FER: variants seen among roughly 807,000 people sequenced by gnomAD.
FER encodes the protein FER tyrosine kinase.
A neutral mutation model predicts 111.0 loss-of-function variants in FER; 63 were observed. That is an observed-to-expected ratio of 0.57 (90% CI 0.46 to 0.70). FER has a LOEUF of 0.70. Among genes scored for constraint, FER ranks in the 30% least tolerant of loss-of-function variants. The pLI, the probability that FER is intolerant of heterozygous loss-of-function variation, is 0.00. For missense variants in FER, 914 were observed against 954.0 expected (o/e 0.96, Z 0.55); for synonymous variants, 327 against 313.9 (o/e 1.04, Z -0.44).
chr5:109,038,303 T>G (rs1216108667), intron 14 of FER, among the ~76,000 whole-genome samples: 2 of 151,906 alleles, frequency 1.3e-5, no homozygotes, highest in African/African-American at 2.4e-5. Flanking sequence ...AAAAATAGTT[T>G]AAAATCTATA....
chr5:108,980,660 A>G (rs1761924700), intron 13 of FER, among the ~76,000 whole-genome samples: 1 of 152,160 alleles, frequency 6.6e-6, no homozygotes, highest in Non-Finnish European at 1.5e-5. Flanking sequence ...TTTAGAAGTC[A>G]TAATGAAGAA....
At chr5:108,947,059 G>T (rs1181771747) in intron 11 of FER, among the ~76,000 whole-genome samples, 1 of 151,914 alleles carries the variant, frequency 6.6e-6, no homozygotes, top group Non-Finnish European at 1.5e-5. Context: ...ATACTCCATT[G>T]TATATATTTA....
chr5:109,157,765 C>T (rs75037812), intron 17 of FER, among the ~76,000 whole-genome samples: 1,780 of 152,184 alleles, frequency 0.012, 41 homozygotes, highest in African/African-American at 0.04. Context: ...CATTTGAATA[C>T]TGGGGACTTG....
chr5:109,091,062 G>A (rs1300639879), intron 16 of FER, among the ~76,000 whole-genome samples: 1 of 152,194 alleles, frequency 6.6e-6, no homozygotes, highest in East Asian at 1.9e-4. Context: ...TGTTGTAAAA[G>A]AATGGGAGAA....
chr5:109,083,205 C>G (rs897942401), intron 16 of FER, among the ~76,000 whole-genome samples: 3 of 151,980 alleles, frequency 2.0e-5, no homozygotes, highest in Non-Finnish European at 4.4e-5. Flanking sequence ...TTATTGAAAG[C>G]GGCTTTGATA....
intron 10 of FER, among the ~76,000 whole-genome samples, chr5:108,909,847 TG>T (rs1250409479): frequency 6.6e-6 from 1 of 151,004 alleles, no homozygotes; most frequent in African/African-American, 2.4e-5. Flanking sequence ...AAACTTTTTA[TG>T]TTGGATAAAT....
intron 17 of FER, among the ~76,000 whole-genome samples, chr5:109,107,509 G>C (rs1259279167): frequency 6.6e-6 from 1 of 151,920 alleles, no homozygotes; most frequent in Non-Finnish European, 1.5e-5. Flanking sequence ...GTAGACCCCA[G>C]TGTCTGTTGT....
intron 13 of FER, among the ~76,000 whole-genome samples, chr5:108,961,197 T>C (rs1759103639): frequency 6.6e-6 from 1 of 152,184 alleles, no homozygotes; most frequent in South Asian, 2.1e-4. Context: ...TTTATCCAGA[T>C]TAGGTTAACA....
chr5:108,929,480 A>G (rs950042285), intron 10 of FER, among the ~76,000 whole-genome samples: 6 of 152,106 alleles, frequency 3.9e-5, no homozygotes, highest in African/African-American at 1.4e-4. Context: ...ATCCTTGGTT[A>G]TATGGTTTAT....
intron 16 of FER, chr5:109,051,524 A>G: frequency 6.3e-7 from 1 of 1,597,592 alleles, no homozygotes; most frequent in African/African-American, 1.5e-5. Context: ...TCTGCACTGT[A>G]ATTAGCCCAG....
intron 1 of FER, among the ~76,000 whole-genome samples, chr5:108,753,608 A>C (rs1440136318): frequency 6.6e-6 from 1 of 152,188 alleles, no homozygotes; most frequent in South Asian, 2.1e-4. Flanking sequence ...ACATTTTCTC[A>C]ATCTGTTTAA....
intron 5 of FER, among the ~76,000 whole-genome samples, chr5:108,850,427 G>C (rs1342158567): frequency 1.3e-5 from 2 of 151,942 alleles, no homozygotes; most frequent in Non-Finnish European, 2.9e-5. Context: ...TAATCCTTTT[G>C]TAGTACTTGA....
chr5:109,109,762 G>A (rs923611892), intron 17 of FER, among the ~76,000 whole-genome samples: 1 of 152,076 alleles, frequency 6.6e-6, no homozygotes, highest in Non-Finnish European at 1.5e-5. Context: ...GCCACATAAA[G>A]CAAGAGCAAA....
chr5:109,011,018 A>C (rs1219945177), intron 13 of FER, among the ~76,000 whole-genome samples: 1 of 152,226 alleles, frequency 6.6e-6, no homozygotes, highest in African/African-American at 2.4e-5. Context: ...AGATGTACAC[A>C]GTATTAAGCT....
chr5:108,926,235 A>G (rs946997359), intron 10 of FER, among the ~76,000 whole-genome samples: 12 of 150,636 alleles, frequency 8.0e-5, no homozygotes, highest in African/African-American at 2.9e-4. Context: ...ATATTTTTCT[A>G]TGTATTTTTT....
chr5:109,158,640 T>C (rs765473472), intron 17 of FER, among the ~76,000 whole-genome samples: 6 of 152,144 alleles, frequency 3.9e-5, no homozygotes, highest in Admixed American at 3.9e-4. Flanking sequence ...TGGCTCAACA[T>C]TGCCTTCGGA....
At chr5:108,971,195 A>G (rs898678261) in intron 13 of FER, among the ~76,000 whole-genome samples, 5 of 148,378 alleles carry the variant, frequency 3.4e-5, no homozygotes, top group Non-Finnish European at 7.5e-5. Context: ...TAGAAACACA[A>G]TGGCCAGGCT....
chr5:109,176,017 G>A (rs765296588), intron 17 of FER, among the ~76,000 whole-genome samples: 6 of 152,076 alleles, frequency 3.9e-5, no homozygotes, highest in Non-Finnish European at 8.8e-5. Context: ...AACAAATGCT[G>A]GCAAGGATGC....
intron 16 of FER, among the ~76,000 whole-genome samples, chr5:109,097,812 G>T (rs182608755): frequency 6.6e-6 from 1 of 151,670 alleles, no homozygotes; most frequent in African/African-American, 2.4e-5. Flanking sequence ...CTTAATACTT[G>T]TACTTGCGGA....
Sources: gnomAD v4.1 joint callset for allele counts (sites outside exome capture counted in the v4.1 genomes callset) on GRCh38, gnomAD v4.1.1 for gene constraint, MANE v1.5 for transcripts, NCBI Gene and HGNC (gene_info 2026-07-23, HGNC 2026-07-21) for gene names.